CEP350: variants seen among roughly 807,000 people sequenced by gnomAD.
The protein encoded by CEP350 is centrosomal protein 350, also known as centrosome-associated protein 350.
Under a neutral mutation model 331.8 loss-of-function variants are expected in CEP350, and 126 were observed. The observed-to-expected ratio is 0.38, with a 90% CI of 0.33 to 0.44. The LOEUF is 0.44. Ranked by LOEUF, CEP350 falls within the 20% of genes least tolerant of loss-of-function variation. The pLI is 1.00. For missense variants in CEP350, 3,406 were observed against 3,634.6 expected (o/e 0.94, Z 1.62); for synonymous variants, 1,200 against 1,259.5 (o/e 0.95, Z 1.00).
chr1:180,093,924 G>T lies in CEP350; in HGVS notation c.7819G>T (p.Asp2607Tyr). 6.2e-7 allele frequency: 1 copy of T among 1,613,840 alleles called. No homozygotes were observed. The highest frequency in any genetic ancestry group is 2.2e-5 in the East Asian group (1 of 44,872). Reference sequence around the variant, plus strand: ...AGAGGGTCCAAAAGACAGAGAAAAGGATGTCAGTGAATATTTTTATGAGAA... The same window carrying T: ...AGAGGGTCCAAAAGACAGAGAAAAGTATGTCAGTGAATATTTTTATGAGAA... Reference protein sequence around the residue: ...DTEGPKDREKDVSEYFYEKSL... With the variant: ...DTEGPKDREKYVSEYFYEKSL... The change falls in exon 34 of 38, where the codon GAT becomes TAT. Residue 2607 changes from aspartate (D) to tyrosine (Y), a missense_variant. This residue lies in a region of CEP350 where 1,415 missense variants were observed against 1,512.3 expected (regional missense o/e 0.94). Transcript: ENST00000367607.
chr1:180,066,916 G>A (rs1658578639), intron 27 of CEP350, among the ~76,000 whole-genome samples: 1 of 152,124 alleles, frequency 6.6e-6, no homozygotes, highest in Non-Finnish European at 1.5e-5. Flanking sequence ...AATGGTAAAT[G>A]TTGGGGGAAC....
At chr1:179,973,716 G>T (rs1034649929) in intron 1 of CEP350, among the ~76,000 whole-genome samples, 2 of 152,054 alleles carry the variant, frequency 1.3e-5, no homozygotes, top group Admixed American at 1.3e-4. Context: ...GTCAAATTTT[G>T]TGTGTGTGTT....
At chr1:179,958,139 A>G (rs958048641) in intron 1 of CEP350, among the ~76,000 whole-genome samples, 2 of 152,176 alleles carry the variant, frequency 1.3e-5, no homozygotes, top group South Asian at 4.1e-4. Flanking sequence ...ATTCAGTATT[A>G]ATTAAAAACT....
chr1:180,059,015 C>T (rs4147170), intron 25 of CEP350, among the ~76,000 whole-genome samples: 129,083 of 152,228 alleles, frequency 0.85, 54,966 homozygotes, highest in South Asian at 0.94. Context: ...AATTCACTTA[C>T]ACCATTCACC....
At chr1:180,015,758 A>T in intron 10 of CEP350, 91 bp from the exon 11 acceptor site, 1 of 1,388,938 alleles carries the variant, frequency 7.2e-7, no homozygotes, top group Non-Finnish European at 9.6e-7. Context: ...TGATCTTTGT[A>T]GAGCTGAGGT....
chr1:180,104,821 G>A (rs1661052994), intron 37 of CEP350, among the ~76,000 whole-genome samples: 1 of 152,088 alleles, frequency 6.6e-6, no homozygotes, highest in Non-Finnish European at 1.5e-5. Context: ...TTCAGGTGTA[G>A]CAGTTTTAAT....
At chr1:179,972,729 T>C (rs185451922) in intron 1 of CEP350, among the ~76,000 whole-genome samples, 2 of 152,112 alleles carry the variant, frequency 1.3e-5, no homozygotes, top group African/African-American at 4.8e-5. Context: ...GTCAAGTAGG[T>C]TGAGGATTGA....
chr1:180,105,308 G>A (rs758648516), intron 37 of CEP350, among the ~76,000 whole-genome samples: 16 of 151,824 alleles, frequency 1.1e-4, no homozygotes, highest in South Asian at 2.1e-4. Context: ...ATCCGCCCAC[G>A]GACCTCTTCT....
In CEP350 at chr1:180,093,757, A is replaced by G. The variant is rs757919292; in HGVS notation, c.7652A>G (p.Lys2551Arg). The change falls in exon 34 of 38, where the codon AAA becomes AGA. Residue 2551 changes from lysine to arginine, a missense_variant. Lys to Arg is a conservative substitution (Grantham distance 26, BLOSUM62 2). This residue lies in a region of CEP350 where 1,415 missense variants were observed against 1,512.3 expected (regional missense o/e 0.94). Transcript: ENST00000367607. ...TYDGIAYFEC[K>R]EKHGIFAPPQ... Reference sequence around the variant, plus strand: ...GATGGTATTGCATATTTTGAGTGCAAAGAAAAGCATGGTATTTTTGCTCCT... The same window carrying G: ...GATGGTATTGCATATTTTGAGTGCAGAGAAAAGCATGGTATTTTTGCTCCT... The G allele has an allele frequency of 6.2e-6, 10 of 1,614,002 alleles. No homozygotes were observed. Among genetic ancestry groups the G allele is most frequent in the East Asian group, 2.2e-5 (1 of 44,876 alleles).
chr1:180,003,845 A>G lies in CEP350; in HGVS notation c.1132+558A>G, dbSNP rs549331027. Among the ~76,000 whole-genome samples the G allele has an allele frequency of 1.2e-3, 189 of 152,190 alleles. 6 individuals carry two copies. Among genetic ancestry groups the G allele is most frequent in the Non-Finnish European group, 1.3e-3 (86 of 68,004 alleles). On this transcript the variant is annotated intron_variant, in intron 7 of 37. Coordinates refer to ENST00000367607, the MANE Select transcript of CEP350 (RefSeq NM_014810.5). ...TTTTCTATTTTTTACAGTTGAGGAA[A>G]TGGAGGCTCAAAGAGTCATTTTCCT...
chr1:179,960,273 G>A (rs1301323722), intron 1 of CEP350, among the ~76,000 whole-genome samples: 1 of 151,544 alleles, frequency 6.6e-6, no homozygotes, highest in East Asian at 1.9e-4. Context: ...TCTGATGTGG[G>A]AGGAAACTGG....
intron 26 of CEP350, among the ~76,000 whole-genome samples, chr1:180,062,650 G>A (rs79825649): frequency 0.083 from 12,672 of 152,184 alleles, 701 homozygotes; most frequent in Non-Finnish European, 0.12. Flanking sequence ...TGCTGGTAGG[G>A]ACTCTCCGCA....
chr1:179,957,783 A>G (rs998155773), intron 1 of CEP350, among the ~76,000 whole-genome samples: 2 of 152,206 alleles, frequency 1.3e-5, no homozygotes, highest in African/African-American at 2.4e-5. Context: ...TTCATTTACT[A>G]TTTTAATGAT....
chr1:180,009,360 T>A (rs577948908), intron 8 of CEP350, among the ~76,000 whole-genome samples: 1 of 152,352 alleles, frequency 6.6e-6, no homozygotes, highest in South Asian at 2.1e-4. Context: ...TATGTAATAC[T>A]GTTGTCAGAA....
In CEP350 at chr1:180,024,439, A is replaced by G. The variant is rs1190268010; in HGVS notation, c.3407A>G (p.Glu1136Gly). The G allele has an allele frequency of 1.2e-6, 2 of 1,612,200 alleles. No individual in the cohort carries two copies. Among genetic ancestry groups the G allele is most frequent in the Non-Finnish European group, 1.7e-6 (2 of 1,179,138 alleles). The change falls in exon 14 of 38, where the codon GAG becomes GGG. Residue 1136 changes from glutamate to glycine, a missense_variant. Glu to Gly is a moderately conservative substitution (Grantham distance 98, BLOSUM62 -2). Coordinates refer to ENST00000367607, the MANE Select transcript of CEP350 (RefSeq NM_014810.5). ...GACAGTAGCACTTTAAGCCCTCAGG[A>G]GGACCATTCTAACAGAAAGTCTGCC... ...LEPHSTLSPQ[E>G]DHSNRKSAYD...
intron 5 of CEP350, among the ~76,000 whole-genome samples, chr1:179,995,960 T>C (rs1361323666): frequency 6.6e-6 from 1 of 152,226 alleles, no homozygotes; most frequent in African/African-American, 2.4e-5. Context: ...TTGAGAACTT[T>C]TTTCTCTGGT....
At chr1:180,058,148 T>G (rs2319677) in intron 25 of CEP350, among the ~76,000 whole-genome samples, 130,762 of 152,216 alleles carry the variant, frequency 0.86, 56,283 homozygotes, top group South Asian at 0.94. Context: ...TCACATATGT[T>G]CAAGGGAAAA....
intron 14 of CEP350, among the ~76,000 whole-genome samples, chr1:180,028,036 C>G (rs1655790197): frequency 6.6e-6 from 1 of 152,178 alleles, no homozygotes; most frequent in South Asian, 2.1e-4. Flanking sequence ...ATTTAGACAT[C>G]ATTTTACCAG....
Position 180,093,257 on chromosome 1 carries a change from C to A in CEP350, c.7152C>A (p.Phe2384Leu). 1 of 1,600,784 alleles carries A rather than the reference C, an allele frequency of 6.2e-7. No homozygotes were observed. Among genetic ancestry groups the A allele is most frequent in the South Asian group, 1.1e-5 (1 of 89,030 alleles). Residue 2384 changes from phenylalanine to leucine, a missense_variant, in exon 34 of 38, where the codon TTC (phenylalanine) becomes TTA (leucine). By Grantham distance (22) the Phe-to-Leu change is conservative. Around this residue, in one of 5 missense-constraint regions of CEP350, gnomAD observed 1,415 missense variants for 1,512.3 expected, o/e 0.94. Transcript: ENST00000367607. ...PYSEDFEVSS[F>L]KKEISAELYK... ...CTGAAGATTTTGAAGTGTCTTCTTT[C>A]AAGAAAGAAATTTCAGCTGAATTGT...
Sources: gnomAD v4.1 joint callset for allele counts (sites outside exome capture counted in the v4.1 genomes callset) on GRCh38, gnomAD v4.1.1 for gene constraint, gnomAD v4.1.1 regional missense constraint, MANE v1.5 for transcripts, NCBI Gene and HGNC (gene_info 2026-07-23, HGNC 2026-07-21) for gene names.